Variants in ITGAV observed in about 807,000 individuals in gnomAD.
The protein encoded by ITGAV is integrin subunit alpha V, also known as integrin alpha-V.
In ITGAV, 76 loss-of-function variants were observed where a neutral mutation model predicts 143.8. That is an observed-to-expected ratio of 0.53 (90% CI 0.44 to 0.64). ITGAV has a LOEUF of 0.64. Ranked by LOEUF, ITGAV falls within the 30% of genes least tolerant of loss-of-function variation. ITGAV has a pLI of 0.00. For missense variants in ITGAV, 1,193 were observed against 1,274.7 expected (o/e 0.94, Z 0.98); for synonymous variants, 453 against 446.7 (o/e 1.01, Z -0.18).
intron 11 of ITGAV, 54 bp from the exon 12 acceptor site, chr2:186,641,332 C>A (rs1688096803): frequency 2.1e-6 from 3 of 1,398,604 alleles, no homozygotes; most frequent in Non-Finnish European, 2.0e-6. Context: ...AAGAAAATGC[C>A]TACTAAGACA....
chr2:186,619,947 G>A (rs568375925), intron 2 of ITGAV, among the ~76,000 whole-genome samples: 4 of 151,920 alleles, frequency 2.6e-5, no homozygotes, highest in South Asian at 2.1e-4. Flanking sequence ...AGCTGAGATC[G>A]CGCCACTGTA....
At chr2:186,633,287 G>T in intron 5 of ITGAV, 42 bp from the exon 6 acceptor site, 1 of 1,269,430 alleles carries the variant, frequency 7.9e-7, no homozygotes, top group Non-Finnish European at 1.1e-6. Context: ...AGAGATATTT[G>T]TTCTTTAAAT....
At position 186,669,930 on chromosome 2, in the gene ITGAV, T is replaced by G. The variant is rs1689017571; in HGVS notation, c.2706+116T>G. The G allele has an allele frequency of 7.0e-6, 5 of 711,204 alleles. No homozygotes were observed. In the East Asian group the frequency reaches 1.4e-4, roughly 20 times the overall value. 44.1% of individuals were successfully genotyped at this position (711,204 alleles called of 1,614,324 possible). A position where few individuals can be genotyped will look rare whatever the true frequency, so the allele number is the denominator to read the frequency against. The stretch of plus-strand genomic sequence containing the variant: ...GCTGTGCTTGAACAACTACATTTAT[T>G]TTTATACCATGCATTCCTCTCACTT... On this transcript the variant is annotated intron_variant, in intron 26 of 29. Coordinates refer to ENST00000261023, the MANE Select transcript of ITGAV (RefSeq NM_002210.5).
chr2:186,606,417 G>A (rs1011567463), intron 2 of ITGAV, among the ~76,000 whole-genome samples: 2 of 152,184 alleles, frequency 1.3e-5, no homozygotes, highest in African/African-American at 4.8e-5. Flanking sequence ...CTCCATGGGT[G>A]TGGATTACAT....
chr2:186,664,479 A>T lies in ITGAV; in HGVS notation c.1926-15A>T. The T allele has an allele frequency of 6.2e-7, 1 of 1,611,232 alleles. No individual in the cohort carries two copies. The highest frequency in any genetic ancestry group is 8.5e-7 in the Non-Finnish European group (1 of 1,178,694). On this transcript the variant is annotated splice_polypyrimidine_tract_variant and intron_variant, in intron 19 of 29. Transcript: ENST00000261023. ...TCTTTTTTTCTCAGTCTGGATTTGT[A>T]TTGTTAACTTGTAGTGATCAAAAGA...
At chr2:186,633,268 T>C (rs1213657306) in intron 5 of ITGAV, 61 bp from the exon 6 acceptor site, 1 of 1,047,570 alleles carries the variant, frequency 9.5e-7, no homozygotes, top group Non-Finnish European at 1.4e-6. Context: ...TTCATTGATT[T>C]CTATTTTGAG....
chr2:186,613,238 G>C (rs1411616033), intron 2 of ITGAV, among the ~76,000 whole-genome samples: 1 of 151,588 alleles, frequency 6.6e-6, no homozygotes, highest in African/African-American at 2.4e-5. Flanking sequence ...TGGCTAGAAG[G>C]AAACAAACCA....
intron 2 of ITGAV, among the ~76,000 whole-genome samples, chr2:186,607,355 A>G (rs543811292): frequency 6.6e-6 from 1 of 152,238 alleles, no homozygotes; most frequent in South Asian, 2.1e-4. Context: ...ACATTTTTTT[A>G]AACTTCTGGG....
At chr2:186,664,113 C>A (rs1574499099) in intron 19 of ITGAV, among the ~76,000 whole-genome samples, 1 of 152,102 alleles carries the variant, frequency 6.6e-6, no homozygotes, top group Non-Finnish European at 1.5e-5. Context: ...CATAAACATT[C>A]TTTGAACTCA....
At position 186,590,173 on chromosome 2, in the gene ITGAV, A is replaced by C. The variant is rs539168187; in HGVS notation, c.-166A>C. ...CCCTCGTCCCTGGCGGTCGCTCCGA[A>C]GCTCAGCCCTCTTGCCTGCCCCGGA... On this transcript the variant is annotated 5_prime_UTR_variant, in exon 1 of 30. Transcript: ENST00000261023. 6 of 508,104 alleles carry C rather than the reference A, an allele frequency of 1.2e-5. No homozygotes were observed. The East Asian group carries it at 1.9e-4, about 16-fold the overall frequency. 31.5% of individuals were successfully genotyped at this position (508,104 alleles called of 1,614,324 possible).
chr2:186,604,688 T>C (rs1315588624), intron 2 of ITGAV, among the ~76,000 whole-genome samples: 2 of 152,158 alleles, frequency 1.3e-5, no homozygotes, highest in South Asian at 2.1e-4. Flanking sequence ...GTATCTGTTA[T>C]GTTAATTTGC....
chr2:186,645,486 G>A (rs890664036), intron 12 of ITGAV, among the ~76,000 whole-genome samples: 1 of 152,088 alleles, frequency 6.6e-6, no homozygotes, highest in African/African-American at 2.4e-5. Context: ...TGGGGGTGGG[G>A]ATGGGGAGAG....
chr2:186,592,961 A>G (rs1686655284), intron 1 of ITGAV, among the ~76,000 whole-genome samples: 1 of 152,090 alleles, frequency 6.6e-6, no homozygotes, highest in Non-Finnish European at 1.5e-5. Context: ...ATTTTGCTGA[A>G]TTTTCTAGAA....
intron 7 of ITGAV, 121 bp downstream of exon 7, chr2:186,636,328 C>G: frequency 2.7e-6 from 2 of 747,850 alleles, no homozygotes; most frequent in East Asian, 2.7e-5. Context: ...TTGAAACATA[C>G]AGAATATACA....
At chr2:186,674,375 G>GT (rs2105753593) in intron 26 of ITGAV, among the ~76,000 whole-genome samples, 1 of 151,958 alleles carries the variant, frequency 6.6e-6, no homozygotes, top group East Asian at 1.9e-4. Flanking sequence ...TTGATCTTGT[G>GT]TCCTGTACCT....
chr2:186,656,603 C>T (rs753637274), intron 17 of ITGAV, among the ~76,000 whole-genome samples: 1 of 151,994 alleles, frequency 6.6e-6, no homozygotes, highest in African/African-American at 2.4e-5. Flanking sequence ...ATGGCCTTTC[C>T]ACAACAATAC....
In ITGAV at chr2:186,666,731, C is replaced by T; in HGVS notation, c.2194C>T (p.His732Tyr). Residue 732 changes from histidine (H) to tyrosine (Y), a missense_variant, in exon 22 of 30, where the codon CAC becomes TAC. Physicochemically the swap from His to Tyr is moderately conservative, Grantham distance 83. Transcript: ENST00000261023. ...QLLAGLRFSV[H>Y]QQSEMDTSVK... ...CTTAGCTGGTCTTCGTTTCAGTGTGCACCAGCAGTCAGAGATGGATACTTC... is the reference window on the plus strand; with the variant it reads ...CTTAGCTGGTCTTCGTTTCAGTGTGTACCAGCAGTCAGAGATGGATACTTC... 2 of 1,586,232 alleles carry T rather than the reference C, an allele frequency of 1.3e-6. No individual in the cohort carries two copies. The highest frequency in any genetic ancestry group is 1.7e-6 in the Non-Finnish European group (2 of 1,168,730).
Position 186,678,962 on chromosome 2 carries a change from A to G in ITGAV, c.*1670A>G, listed in dbSNP as rs115551804. ...AGGAGCACATTTAGTTGAGGTATACAAGGTAGGACTCTAGACAAAACCTTC... is the reference window on the plus strand; with the variant it reads ...AGGAGCACATTTAGTTGAGGTATACGAGGTAGGACTCTAGACAAAACCTTC... On this transcript the variant is annotated 3_prime_UTR_variant, in exon 30 of 30. Coordinates refer to ENST00000261023, the MANE Select transcript of ITGAV (RefSeq NM_002210.5). 1.6e-3 allele frequency: 508 copies of G among 320,410 alleles called. 3 individuals are homozygous for G. Among genetic ancestry groups the G allele is most frequent in the African/African-American group, 0.011 (483 of 45,504 alleles). 19.8% of individuals were successfully genotyped at this position (320,410 alleles called of 1,614,324 possible).
rs367819287 is a variant in ITGAV at position 186,659,134 on chromosome 2, C to T, written c.1816C>T (p.Pro606Ser). Residue 606 changes from proline (P) to serine (S), a missense_variant, in exon 18 of 30, where the codon CCC (proline) becomes TCC (serine). Transcript: ENST00000261023. The part of the protein sequence containing the change: ...RTAADTTGLQ[P>S]ILNQFTPANI... ...AGCTGCTGATACAACAGGCTTGCAACCCATTCTTAACCAGTTCACGCCTGC... is the reference window on the plus strand; with the variant it reads ...AGCTGCTGATACAACAGGCTTGCAATCCATTCTTAACCAGTTCACGCCTGC... 1.1e-5 allele frequency: 17 copies of T among 1,612,844 alleles called. No homozygotes were observed. Among genetic ancestry groups the T allele is most frequent in the Middle Eastern group, 1.6e-4 (1 of 6,080 alleles).
Sources: gnomAD v4.1 joint callset for allele counts (sites outside exome capture counted in the v4.1 genomes callset) on GRCh38, gnomAD v4.1.1 for gene constraint, MANE v1.5 for transcripts, NCBI Gene and HGNC (gene_info 2026-07-23, HGNC 2026-07-21) for gene names.